CSMD1: variants seen among roughly 807,000 people sequenced by gnomAD.
CSMD1 encodes CUB and sushi domain-containing protein 1.
A neutral mutation model predicts 417.5 loss-of-function variants in CSMD1; 213 were observed. The ratio of observed to expected loss-of-function variants is 0.51; its 90% CI spans 0.46 to 0.57. CSMD1 has a LOEUF of 0.57. CSMD1 is among the 20% of genes least tolerant of loss of function. CSMD1 has a pLI of 0.00. For missense variants in CSMD1, 6,923 were observed against 4,529.7 expected, an observed-to-expected ratio of 1.53 and a Z score of -15.17; for synonymous variants, 2,862 against 1,736.8, an observed-to-expected ratio of 1.65 and a Z score of -16.11.
At chr8:4,557,497 G>T (rs1443367568) in intron 2 of CSMD1, among the ~76,000 whole-genome samples, 2 of 151,606 alleles carry the variant, frequency 1.3e-5, no homozygotes, top group African/African-American at 4.9e-5. Context: ...TTAAATGACT[G>T]AAGAAATATT....
intron 2 of CSMD1, among the ~76,000 whole-genome samples, chr8:4,614,759 A>T (rs535141340): frequency 2.0e-5 from 3 of 152,298 alleles, no homozygotes; most frequent in South Asian, 4.1e-4. Flanking sequence ...GTCACCTGAG[A>T]TAATAATTTA....
chr8:4,729,630 G>C (rs971572550), intron 1 of CSMD1, among the ~76,000 whole-genome samples: 33 of 152,144 alleles, frequency 2.2e-4, no homozygotes, highest in African/African-American at 8.0e-4. Flanking sequence ...GTGAGAAAGG[G>C]GGGAATGCAA....
intron 3 of CSMD1, among the ~76,000 whole-genome samples, chr8:4,341,063 G>T (rs565797374): frequency 5.9e-5 from 9 of 151,980 alleles, no homozygotes; most frequent in African/African-American, 1.7e-4. Flanking sequence ...CAACGTAAAA[G>T]GTAAAACTTG....
intron 49 of CSMD1, among the ~76,000 whole-genome samples, chr8:3,065,085 G>C (rs1466943366): frequency 1.3e-5 from 2 of 152,008 alleles, no homozygotes; most frequent in African/African-American, 4.8e-5. Flanking sequence ...ACCTGGACTA[G>C]AATCTTCACA....
chr8:3,591,168 G>C (rs1402642939), intron 8 of CSMD1, among the ~76,000 whole-genome samples: 1 of 152,160 alleles, frequency 6.6e-6, no homozygotes, highest in South Asian at 2.1e-4. Context: ...GTAAGATCAA[G>C]ATACATGGTA....
At chr8:3,850,146 T>A (rs1371255543) in intron 5 of CSMD1, among the ~76,000 whole-genome samples, 1 of 152,244 alleles carries the variant, frequency 6.6e-6, no homozygotes, top group Admixed American at 6.5e-5. Flanking sequence ...TCTTAGGGCA[T>A]ATCCCTTATG....
chr8:3,384,834 T>C (rs1468826348), intron 18 of CSMD1, among the ~76,000 whole-genome samples: 2 of 122,954 alleles, frequency 1.6e-5, no homozygotes, highest in Admixed American at 9.7e-5. Flanking sequence ...AATAAAATAG[T>C]ATACATATTT....
intron 3 of CSMD1, among the ~76,000 whole-genome samples, chr8:4,071,107 T>C (rs1267165717): frequency 6.6e-6 from 1 of 152,158 alleles, no homozygotes. Flanking sequence ...TTACAGAGAC[T>C]CTTGAGTCTT....
intron 26 of CSMD1, among the ~76,000 whole-genome samples, chr8:3,269,984 G>C (rs1177956158): frequency 6.6e-6 from 1 of 151,386 alleles, no homozygotes; most frequent in Non-Finnish European, 1.5e-5. Flanking sequence ...TCCATTGATG[G>C]CCATCAACAT....
intron 3 of CSMD1, among the ~76,000 whole-genome samples, chr8:4,209,738 G>A (rs945271202): frequency 1.3e-5 from 2 of 152,168 alleles, no homozygotes; most frequent in Non-Finnish European, 2.9e-5. Context: ...CAGATGTCCT[G>A]CTCCTAGCAC....
In CSMD1 at chr8:3,513,212, A is replaced by T. The variant is rs189024548; in HGVS notation, c.1345-19486T>A. On this transcript the variant is annotated intron_variant, in intron 10 of 69. Coordinates refer to ENST00000635120, the MANE Select transcript of CSMD1 (RefSeq NM_033225.6). ...TTTGGGAAAAAAATAGTTACATACT[A>T]ATCCTCCAACTTTAATAAATCCCCT... Among the ~76,000 whole-genome samples, 4 of 152,226 alleles carry T rather than the reference A, an allele frequency of 2.6e-5. No homozygotes were observed. In the East Asian group the frequency reaches 7.7e-4, roughly 29 times the overall value.
chr8:4,187,503 G>A lies in CSMD1; in HGVS notation c.416-155404C>T, dbSNP rs1485065007. Among the ~76,000 whole-genome samples, 5 of 152,138 alleles carry A rather than the reference G, an allele frequency of 3.3e-5. No homozygotes were observed. The East Asian group carries it at 9.7e-4, about 29-fold the overall frequency. On this transcript the variant is annotated intron_variant, in intron 3 of 69. Coordinates refer to ENST00000635120, the MANE Select transcript of CSMD1 (RefSeq NM_033225.6). Reference sequence around the variant, plus strand: ...TACTAAAAATACAAAAAATCAGCCTGGGTGGTGGCACATGCCTGTAATCCC... The same window carrying A: ...TACTAAAAATACAAAAAATCAGCCTAGGTGGTGGCACATGCCTGTAATCCC...
intron 11 of CSMD1, among the ~76,000 whole-genome samples, chr8:3,485,868 T>A (rs889146855): frequency 1.3e-5 from 2 of 151,688 alleles, no homozygotes; most frequent in Non-Finnish European, 2.9e-5. Context: ...GTGGATCATA[T>A]CAAGGTGAAT....
At position 4,205,211 on chromosome 8, in the gene CSMD1, C is replaced by A. The variant is rs1054582717; in HGVS notation, c.416-173112G>T. Among the ~76,000 whole-genome samples the A allele has an allele frequency of 2.0e-4, 30 of 152,198 alleles. 1 individual carries two copies. The highest frequency in any genetic ancestry group is 2.0e-3 in the Admixed American group (30 of 15,270). On this transcript the variant is annotated intron_variant, in intron 3 of 69. Transcript: ENST00000635120. ...ATTTAAATAATAGCATTGCACATTTCTCTTTGGTAGAACTCTATTTCAAAT... is the reference window on the plus strand; with the variant it reads ...ATTTAAATAATAGCATTGCACATTTATCTTTGGTAGAACTCTATTTCAAAT...
chr8:4,719,170 A>C (rs1676968), intron 1 of CSMD1, among the ~76,000 whole-genome samples: 1 of 152,044 alleles, frequency 6.6e-6, no homozygotes, highest in East Asian at 1.9e-4. Context: ...CAGGTGAAAA[A>C]AAGACTACAC....
intron 5 of CSMD1, among the ~76,000 whole-genome samples, chr8:3,912,827 A>C (rs1024470006): frequency 6.6e-6 from 1 of 152,206 alleles, no homozygotes; most frequent in Admixed American, 6.5e-5. Context: ...TTTATGATTT[A>C]AATTATATTC....
At chr8:3,912,643 C>T (rs1365087645) in intron 5 of CSMD1, among the ~76,000 whole-genome samples, 2 of 152,066 alleles carry the variant, frequency 1.3e-5, no homozygotes, top group African/African-American at 2.4e-5. Context: ...TTACAAGCGT[C>T]CTCAAGTGGA....
intron 55 of CSMD1, among the ~76,000 whole-genome samples, chr8:2,977,145 G>T (rs1804997263): frequency 1.3e-5 from 2 of 151,968 alleles, no homozygotes; most frequent in Non-Finnish European, 1.5e-5. Context: ...CATGTGCAGG[G>T]TGTGTAGGTT....
At chr8:4,775,819 C>A (rs1796825550) in intron 1 of CSMD1, among the ~76,000 whole-genome samples, 2 of 152,110 alleles carry the variant, frequency 1.3e-5, no homozygotes, top group South Asian at 4.1e-4. Context: ...TAAAACCAAT[C>A]AGAAAGTTCC....
Sources: allele counts gnomAD v4.1 joint callset (sites outside exome capture counted in the v4.1 genomes callset), GRCh38; gene constraint gnomAD v4.1.1; transcripts MANE v1.5; gene names NCBI Gene and HGNC (gene_info 2026-07-23, HGNC 2026-07-21).